SCFD2: variants seen among roughly 807,000 people sequenced by gnomAD.
SCFD2 encodes sec1 family domain containing 2, also known as sec1 family domain-containing protein 2.
SCFD2 carries 54 observed loss-of-function variants against 58.9 expected under a neutral mutation model. The observed-to-expected ratio is 0.92, with a 90% confidence interval of 0.74 to 1.15. The LOEUF (loss-of-function observed/expected upper bound fraction) is 1.15, where lower values mean the gene tolerates loss of function less well. Ranked by LOEUF, SCFD2 falls within the 50% of genes most tolerant of loss-of-function variation. SCFD2 has a pLI of 0.00. For missense variants in SCFD2, 805 were observed against 836.6 expected, an observed-to-expected ratio of 0.96 and a Z score of 0.47; for synonymous variants, 321 against 335.9, an observed-to-expected ratio of 0.96 and a Z score of 0.49.
intron 5 of SCFD2, among the ~76,000 whole-genome samples, chr4:53,023,987 A>C (rs1453672074): frequency 2.6e-5 from 4 of 152,188 alleles, no homozygotes; most frequent in Non-Finnish European, 5.9e-5. Flanking sequence ...CCAGAGTTCT[A>C]GAGACACTGT....
intron 4 of SCFD2, among the ~76,000 whole-genome samples, chr4:53,149,080 C>A (rs1311356835): frequency 6.6e-6 from 1 of 152,156 alleles, no homozygotes; most frequent in Non-Finnish European, 1.5e-5. Context: ...TGTAGACATG[C>A]ATGTAACATG....
At chr4:53,192,648 C>A (rs1041423784) in intron 4 of SCFD2, among the ~76,000 whole-genome samples, 1 of 152,186 alleles carries the variant, frequency 6.6e-6, no homozygotes, top group African/African-American at 2.4e-5. Context: ...TGACTGCGTG[C>A]AAGTCACTCA....
chr4:52,950,768 A>T (rs1296815580), intron 5 of SCFD2: 2 of 152,044 alleles, frequency 1.3e-5, no homozygotes, highest in Non-Finnish European at 2.9e-5. Context: ...CCTTTCAAAC[A>T]GGAACTAGGG....
chr4:52,971,868 T>G (rs961517112), intron 5 of SCFD2, among the ~76,000 whole-genome samples: 40 of 152,162 alleles, frequency 2.6e-4, no homozygotes, highest in Non-Finnish European at 1.6e-4. Context: ...TATTCAACAT[T>G]CTTAAAGAAA....
At chr4:53,104,888 T>G (rs1724941170) in intron 5 of SCFD2, among the ~76,000 whole-genome samples, 1 of 151,688 alleles carries the variant, frequency 6.6e-6, no homozygotes, top group African/African-American at 2.4e-5. Context: ...AATTAGAGAG[T>G]GGCTGGCAAG....
intron 2 of SCFD2, among the ~76,000 whole-genome samples, chr4:53,338,026 G>A (rs1484518686): frequency 6.6e-6 from 1 of 152,182 alleles, no homozygotes; most frequent in African/African-American, 2.4e-5. Flanking sequence ...TTGAAATGAT[G>A]TGGCTATAAG....
chr4:53,028,179 G>A (rs764334217), intron 5 of SCFD2, among the ~76,000 whole-genome samples: 15 of 151,514 alleles, frequency 9.9e-5, no homozygotes, highest in Admixed American at 6.6e-4. Flanking sequence ...CCTGGGAGGC[G>A]GAGGTTGCAG....
intron 4 of SCFD2, among the ~76,000 whole-genome samples, chr4:53,250,278 T>C (rs577343853): frequency 1.3e-5 from 2 of 152,036 alleles, no homozygotes; most frequent in African/African-American, 2.4e-5. Flanking sequence ...GCACCCAATA[T>C]AGGAGCACCC....
intron 4 of SCFD2, among the ~76,000 whole-genome samples, chr4:53,269,767 C>T (rs1731102939): frequency 6.6e-6 from 1 of 152,200 alleles, no homozygotes; most frequent in African/African-American, 2.4e-5. Flanking sequence ...TGGCTCATGC[C>T]TGTAATCCCA....
intron 5 of SCFD2, among the ~76,000 whole-genome samples, chr4:53,108,218 A>G (rs1469799364): frequency 1.3e-5 from 2 of 152,188 alleles, no homozygotes; most frequent in Admixed American, 1.3e-4. Flanking sequence ...GACACAACTA[A>G]AGCAGTGTTT....
chr4:53,154,997 G>A (rs779840647), intron 4 of SCFD2, among the ~76,000 whole-genome samples: 45 of 152,226 alleles, frequency 3.0e-4, no homozygotes, highest in Non-Finnish European at 3.7e-4. Context: ...AGACAACCCT[G>A]ATGACATCTT....
chr4:53,282,124 T>C (rs530130053), intron 3 of SCFD2, among the ~76,000 whole-genome samples: 1 of 152,356 alleles, frequency 6.6e-6, no homozygotes, highest in African/African-American at 2.4e-5. Flanking sequence ...AAACTTTTAT[T>C]GTAGGTTCAG....
chr4:53,261,326 TTATC>T (rs1730822335), intron 4 of SCFD2, among the ~76,000 whole-genome samples: 1 of 152,108 alleles, frequency 6.6e-6, no homozygotes, highest in Non-Finnish European at 1.5e-5. Flanking sequence ...TGACCTTAGT[TTATC>T]TATTCGTGCT....
intron 5 of SCFD2, among the ~76,000 whole-genome samples, chr4:53,033,645 T>C (rs187497649): frequency 3.3e-5 from 5 of 152,280 alleles, no homozygotes; most frequent in African/African-American, 1.2e-4. Flanking sequence ...ATATCACCAC[T>C]GATCCCACAG....
intron 5 of SCFD2, among the ~76,000 whole-genome samples, chr4:52,987,312 G>A (rs931357451): frequency 2.0e-5 from 3 of 152,166 alleles, no homozygotes; most frequent in Non-Finnish European, 4.4e-5. Flanking sequence ...CACCGCACCC[G>A]GCCTGAAAAG....
At chr4:53,028,725 T>C (rs1039126661) in intron 5 of SCFD2, among the ~76,000 whole-genome samples, 1 of 152,196 alleles carries the variant, frequency 6.6e-6, no homozygotes, top group Non-Finnish European at 1.5e-5. Flanking sequence ...AAGTTTTCCC[T>C]GGTCAAGTAT....
intron 1 of SCFD2, among the ~76,000 whole-genome samples, chr4:53,355,212 G>A (rs1310330145): frequency 6.6e-6 from 1 of 152,172 alleles, no homozygotes. Flanking sequence ...GGAGAATCCT[G>A]ACTAATATGC....
intron 5 of SCFD2, among the ~76,000 whole-genome samples, chr4:52,944,313 T>C (rs543092048): frequency 1.3e-5 from 2 of 152,306 alleles, no homozygotes; most frequent in South Asian, 4.1e-4. Context: ...CCAAAATGTC[T>C]CTGGTTGTGG....
intron 5 of SCFD2, among the ~76,000 whole-genome samples, chr4:53,092,912 TA>T (rs1400626306): frequency 8.6e-5 from 13 of 150,664 alleles, no homozygotes; most frequent in Admixed American, 8.6e-4. Context: ...GGAAGGAGAT[TA>T]TTGCTACTGT....
Sources: gnomAD v4.1 joint callset for allele counts (sites outside exome capture counted in the v4.1 genomes callset) on GRCh38, gnomAD v4.1.1 for gene constraint, MANE v1.5 for transcripts, NCBI Gene and HGNC (gene_info 2026-07-23, HGNC 2026-07-21) for gene names.